The following DSCAM variants were observed in gnomAD, a reference collection of about 807,000 sequenced individuals.
DSCAM encodes cell adhesion molecule DSCAM.
In DSCAM, 47 loss-of-function variants were observed where a neutral mutation model predicts 217.7. That is an observed-to-expected ratio of 0.22 (90% CI 0.17 to 0.28). The LOEUF is 0.28. Ranked by LOEUF, DSCAM falls within the 10% of genes least tolerant of loss-of-function variation. The pLI is 1.00. For synonymous variants in DSCAM, 1,056 were observed against 1,015.3 expected (o/e 1.04, Z -0.76); for missense variants, 2,080 against 2,618.3 (o/e 0.79, Z 4.49).
At chr21:40,724,101 G>T (rs2090930165) in intron 1 of DSCAM, among the ~76,000 whole-genome samples, 1 of 152,108 alleles carries the variant, frequency 6.6e-6, no homozygotes, top group Non-Finnish European at 1.5e-5. Flanking sequence ...ACATTGCTAG[G>T]GGTTAAGTGT....
At chr21:40,374,045 A>G (rs2074925754) in intron 3 of DSCAM, among the ~76,000 whole-genome samples, 1 of 86,694 alleles carries the variant, frequency 1.2e-5, no homozygotes, top group Non-Finnish European at 2.2e-5. Flanking sequence ...TAGCTCAGAG[A>G]GTAAATTTCA....
At chr21:40,747,677 CAA>C in intron 1 of DSCAM, among the ~76,000 whole-genome samples, 1 of 151,734 alleles carries the variant, frequency 6.6e-6, no homozygotes, top group East Asian at 1.9e-4. Context: ...CCAATTCTTC[CAA>C]AAAATTGACA....
chr21:40,574,595 T>C (rs1232651016), intron 3 of DSCAM, among the ~76,000 whole-genome samples: 3 of 152,232 alleles, frequency 2.0e-5, no homozygotes, highest in Non-Finnish European at 4.4e-5. Context: ...TTTTAGTCAC[T>C]TCTAATCAAT....
chr21:40,689,152 A>G (rs2090513656), intron 3 of DSCAM, among the ~76,000 whole-genome samples: 1 of 152,238 alleles, frequency 6.6e-6, no homozygotes, highest in South Asian at 2.1e-4. Flanking sequence ...ACCTAGTGAG[A>G]CATACTAATA....
chr21:40,752,196 C>T (rs1247714920), intron 1 of DSCAM, among the ~76,000 whole-genome samples: 1 of 152,154 alleles, frequency 6.6e-6, no homozygotes, highest in Non-Finnish European at 1.5e-5. Context: ...GCTTTGTATC[C>T]AGAAAGGAGA....
At chr21:40,800,040 C>G (rs1004142827) in intron 1 of DSCAM, among the ~76,000 whole-genome samples, 4 of 152,118 alleles carry the variant, frequency 2.6e-5, no homozygotes, top group Non-Finnish European at 5.9e-5. Flanking sequence ...TAGATTATCA[C>G]AGGAGTGACA....
chr21:40,087,111 G>A, intron 22 of DSCAM, 59 bp downstream of exon 22: 1 of 1,271,808 alleles, frequency 7.9e-7, no homozygotes, highest in Non-Finnish European at 1.2e-6. Flanking sequence ...CACAACCTGA[G>A]TATGTCAGAT....
At chr21:40,336,028 A>G (rs941069249) in intron 8 of DSCAM, among the ~76,000 whole-genome samples, 2 of 151,586 alleles carry the variant, frequency 1.3e-5, no homozygotes, top group African/African-American at 2.4e-5. Context: ...AGCAGGAAAC[A>G]TAACAGTTTT....
At chr21:40,478,884 C>A (rs1008615334) in intron 3 of DSCAM, among the ~76,000 whole-genome samples, 1 of 151,720 alleles carries the variant, frequency 6.6e-6, no homozygotes. Context: ...AAGATATTAA[C>A]AACAATAAAT....
intron 3 of DSCAM, among the ~76,000 whole-genome samples, chr21:40,620,366 A>AG (rs761779733): frequency 2.4e-5 from 3 of 124,726 alleles, no homozygotes; most frequent in African/African-American, 9.4e-5. Context: ...AGAAAAAAGA[A>AG]AAAGAAAGAA....
intron 28 of DSCAM, among the ~76,000 whole-genome samples, chr21:40,059,678 CA>C (rs1417851919): frequency 6.6e-6 from 1 of 152,152 alleles, no homozygotes; most frequent in East Asian, 1.9e-4. Context: ...AAGCTAGAAA[CA>C]ATGTTGAATT....
chr21:40,100,941 T>C lies in DSCAM; in HGVS notation c.3697-7067A>G, dbSNP rs572327138. Reference sequence around the variant, plus strand: ...TGAATTAATTTTGAGTGGACTACAGTAATTGTGCTAACCATTTGTTTGAAG... The same window carrying C: ...TGAATTAATTTTGAGTGGACTACAGCAATTGTGCTAACCATTTGTTTGAAG... On this transcript the variant is annotated intron_variant, in intron 20 of 32. Transcript: ENST00000400454. Among the ~76,000 whole-genome samples, 4 of 152,352 alleles carry C rather than the reference T, an allele frequency of 2.6e-5. No homozygotes were observed. The East Asian group carries it at 7.7e-4, about 29-fold the overall frequency.
chr21:40,822,155 C>T (rs1376396325), intron 1 of DSCAM, among the ~76,000 whole-genome samples: 3 of 151,360 alleles, frequency 2.0e-5, no homozygotes, highest in Non-Finnish European at 4.4e-5. Context: ...CCCGTCTCTA[C>T]TAAAAGTACA....
chr21:40,432,141 G>A (rs1569120464), intron 3 of DSCAM, among the ~76,000 whole-genome samples: 1 of 152,112 alleles, frequency 6.6e-6, no homozygotes, highest in East Asian at 1.9e-4. Context: ...AGGTTGCAGT[G>A]AGCCGAGATC....
Position 40,417,799 on chromosome 21 carries a change from T to C in DSCAM, c.509-48554A>G, listed in dbSNP as rs563327080. 1.4e-4 allele frequency among the ~76,000 whole-genome samples: 22 copies of C among 152,244 alleles called. 1 individual carries two copies. The highest frequency in any genetic ancestry group is 4.3e-4 in the African/African-American group (18 of 41,540). ...CACATAAGTACATCACTTGACATAA[T>C]AGACATGAAGAAAGGATCACAATAA... On this transcript the variant is annotated intron_variant, in intron 3 of 32. Coordinates refer to ENST00000400454, the MANE Select transcript of DSCAM (RefSeq NM_001389.5).
At chr21:40,615,991 A>AACAC (rs149839230) in intron 3 of DSCAM, among the ~76,000 whole-genome samples, 2 of 151,168 alleles carry the variant, frequency 1.3e-5, no homozygotes, top group East Asian at 3.9e-4. Context: ...AATCAAATCA[A>AACAC]ACACACACAC....
At chr21:40,109,801 C>T (rs1752515987) in intron 20 of DSCAM, among the ~76,000 whole-genome samples, 2 of 152,188 alleles carry the variant, frequency 1.3e-5, no homozygotes, top group Admixed American at 6.5e-5. Flanking sequence ...GTCCTATGCC[C>T]ACAGAGCCTC....
intron 3 of DSCAM, among the ~76,000 whole-genome samples, chr21:40,531,330 C>T (rs2076445191): frequency 6.6e-6 from 1 of 152,202 alleles, no homozygotes; most frequent in Non-Finnish European, 1.5e-5. Context: ...CCAGCCACCA[C>T]ACCTGTCTCA....
At chr21:40,410,535 T>C (rs893273911) in intron 3 of DSCAM, among the ~76,000 whole-genome samples, 3 of 151,972 alleles carry the variant, frequency 2.0e-5, no homozygotes, top group Non-Finnish European at 4.4e-5. Context: ...TAAGTACCGT[T>C]AATATTAAGC....
Sources: allele counts gnomAD v4.1 joint callset (sites outside exome capture counted in the v4.1 genomes callset), GRCh38; gene constraint gnomAD v4.1.1; transcripts MANE v1.5; gene names NCBI Gene and HGNC (gene_info 2026-07-23, HGNC 2026-07-21).